WWTR1: variants seen among roughly 807,000 people sequenced by gnomAD.
The protein encoded by WWTR1 is WW domain-containing transcription regulator protein 1.
Under a neutral mutation model 40.1 loss-of-function variants are expected in WWTR1, and 13 were observed. The ratio of observed to expected loss-of-function variants is 0.32; its 90% CI spans 0.21 to 0.52. The LOEUF is 0.52. Among genes scored for constraint, WWTR1 ranks in the 20% least tolerant of loss-of-function variants. The pLI, the probability that WWTR1 is intolerant of heterozygous loss-of-function variation, is 0.97. For missense variants in WWTR1, 436 were observed against 523.1 expected, an observed-to-expected ratio of 0.83 and a Z score of 1.63; for synonymous variants, 230 against 210.1, an observed-to-expected ratio of 1.09 and a Z score of -0.82.
chr3:149,536,652 G>A (rs1315909353), intron 4 of WWTR1, among the ~76,000 whole-genome samples: 2 of 151,918 alleles, frequency 1.3e-5, no homozygotes, highest in Admixed American at 6.5e-5. Context: ...GAATTCCGAG[G>A]CCTCCCTCTT....
In WWTR1 at chr3:149,657,123, A is replaced by G. The variant is rs1404133951; in HGVS notation, c.184T>C (p.Ser62Pro). ...FFKEPDSGSH[S>P]RQSSTDSSGG... ...GACGAGTCGGTGCTGGACTGGCGCG[A>G]GTGCGAGCCCGAATCAGGCTCCTTA... Residue 62 changes from serine to proline, a missense_variant, in exon 2 of 7, where the codon TCG becomes CCG. Transcript: ENST00000360632. 6.3e-7 allele frequency: 1 copy of G among 1,590,350 alleles called. No homozygotes were observed.
chr3:149,639,547 T>C (rs1712032169), intron 2 of WWTR1, among the ~76,000 whole-genome samples: 1 of 152,162 alleles, frequency 6.6e-6, no homozygotes, highest in Non-Finnish European at 1.5e-5. Flanking sequence ...TTGGACAACA[T>C]GTCTGGTCTT....
rs150927864 is a variant in WWTR1 at position 149,600,652 on chromosome 3, C to A, written c.432-27652G>T. 1.1e-4 allele frequency among the ~76,000 whole-genome samples: 17 copies of A among 152,292 alleles called. No individual in the cohort carries two copies. In the East Asian group the frequency reaches 3.1e-3, roughly 28 times the overall value. Reference sequence around the variant, plus strand: ...AAGGCAATAGCCACCCTGGGGTACCCATTTGATACATTAAATGAAATCCAA... The same window carrying A: ...AAGGCAATAGCCACCCTGGGGTACCAATTTGATACATTAAATGAAATCCAA... On this transcript the variant is annotated intron_variant, in intron 2 of 6. Transcript: ENST00000360632.
At chr3:149,675,524 A>G (rs1345606635) in intron 1 of WWTR1, among the ~76,000 whole-genome samples, 1 of 152,126 alleles carries the variant, frequency 6.6e-6, no homozygotes, top group African/African-American at 2.4e-5. Flanking sequence ...CTGATTTTTG[A>G]ACTTGTATCA....
rs143155376 is a variant in WWTR1, at chr3:149,664,885, G to A, written c.-4+4903C>T. Among the ~76,000 whole-genome samples, 656 of 151,920 alleles carry A rather than the reference G, an allele frequency of 4.3e-3. 2 individuals are homozygous for A. The highest frequency in any genetic ancestry group is 0.01 in the Middle Eastern group (3 of 292). On this transcript the variant is annotated intron_variant, in intron 2 of 7. Transcript: ENST00000465804. ...ATTATAGGAGTGAACCACCGCGCCCGGCCAGAAGGCACTATCTTTTGTCTG... is the reference window on the plus strand; with the variant it reads ...ATTATAGGAGTGAACCACCGCGCCCAGCCAGAAGGCACTATCTTTTGTCTG...
intron 2 of WWTR1, among the ~76,000 whole-genome samples, chr3:149,591,604 A>C (rs1278323004): frequency 6.6e-6 from 1 of 152,188 alleles, no homozygotes; most frequent in African/African-American, 2.4e-5. Context: ...AACAAAAAAA[A>C]GTAGTAGAGA....
At chr3:149,713,985 A>G (rs1289944440) in intron 5 of WWTR1, among the ~76,000 whole-genome samples, 2 of 152,200 alleles carry the variant, frequency 1.3e-5, no homozygotes, top group African/African-American at 4.8e-5. Context: ...AGGAGATGAT[A>G]GTCTCTGGAG....
At chr3:149,597,467 G>GGA (rs1560077753) in intron 2 of WWTR1, among the ~76,000 whole-genome samples, 48 of 140,512 alleles carry the variant, frequency 3.4e-4, no homozygotes, top group African/African-American at 1.3e-3. Context: ...GAAGAAGAAG[G>GGA]AAAAAAAAAA....
Position 149,620,045 on chromosome 3 carries a change from C to A in WWTR1, c.431+36831G>T, listed in dbSNP as rs145257376. ...CGCTTTGATGTATTTTGGTCCTGGG[C>A]TCCATCTTATAGCACTCTTATAGAA... On this transcript the variant is annotated intron_variant, in intron 2 of 6. Transcript: ENST00000360632. Among the ~76,000 whole-genome samples, 873 of 152,298 alleles carry A rather than the reference C, an allele frequency of 5.7e-3. 1 individual carries two copies. Among genetic ancestry groups the A allele is most frequent in the Non-Finnish European group, 9.0e-3 (612 of 68,020 alleles).
rs890738624 is a variant in WWTR1, at chr3:149,518,362, A to T, written c.*2443T>A. The stretch of plus-strand genomic sequence containing the variant: ...AAAGAGGGGTATCTGTTTCTCTTAC[A>T]TTTAATAACCTGAAAATGAGTCTAT... On this transcript the variant is annotated 3_prime_UTR_variant, in exon 7 of 7. Coordinates refer to ENST00000360632, the MANE Select transcript of WWTR1 (RefSeq NM_015472.6). 1 of 152,110 alleles carries T rather than the reference A, an allele frequency of 6.6e-6. No homozygotes were observed. The highest frequency in any genetic ancestry group is 1.5e-5 in the Non-Finnish European group (1 of 68,012). 9.4% of individuals were successfully genotyped at this position (152,110 alleles called of 1,614,324 possible). A position where few individuals can be genotyped will look rare whatever the true frequency, so the allele number is the denominator to read the frequency against.
intron 4 of WWTR1, among the ~76,000 whole-genome samples, chr3:149,535,668 TAAAGA>T (rs1735795266): frequency 6.7e-6 from 1 of 149,010 alleles, no homozygotes; most frequent in South Asian, 2.1e-4. Context: ...CAAATCACAT[TAAAGA>T]AAACATTATA....
intron 2 of WWTR1, among the ~76,000 whole-genome samples, chr3:149,617,062 G>A (rs1191969387): frequency 1.3e-5 from 2 of 152,158 alleles, no homozygotes; most frequent in Non-Finnish European, 2.9e-5. Context: ...TGCATATTAA[G>A]TTTATGTGCC....
At chr3:149,604,286 C>A (rs1739389006) in intron 2 of WWTR1, among the ~76,000 whole-genome samples, 1 of 152,134 alleles carries the variant, frequency 6.6e-6, no homozygotes, top group African/African-American at 2.4e-5. Flanking sequence ...GACAGGGCCA[C>A]CCCCTCACAG....
At chr3:149,630,723 T>C (rs150172600) in intron 2 of WWTR1, among the ~76,000 whole-genome samples, 4 of 152,218 alleles carry the variant, frequency 2.6e-5, no homozygotes, top group Admixed American at 2.0e-4. Flanking sequence ...ATGAGAACGG[T>C]TAATAACTCA....
intron 3 of WWTR1, 45 bp from the exon 4 acceptor site, chr3:149,542,582 T>C (rs1300658963): frequency 6.5e-7 from 1 of 1,536,690 alleles, no homozygotes; most frequent in East Asian, 2.3e-5. Flanking sequence ...GGGCCCACAA[T>C]ACCTTATCAA....
intron 1 of WWTR1, among the ~76,000 whole-genome samples, chr3:149,699,450 T>C (rs1234256562): frequency 2.0e-5 from 3 of 152,112 alleles, no homozygotes; most frequent in Non-Finnish European, 2.9e-5. Flanking sequence ...TGTGTCACCA[T>C]GCCCGGCTAA....
At chr3:149,703,723 C>T (rs1715262323), upstream of WWTR1, among the ~76,000 whole-genome samples, 1 of 152,060 alleles carries the variant, frequency 6.6e-6, no homozygotes, top group Non-Finnish European at 1.5e-5. Context: ...AGTGAGTTCT[C>T]ACTCTATGAG....
chr3:149,649,870 T>A (rs1189858159), intron 2 of WWTR1: 1 of 142,248 alleles, frequency 7.0e-6, no homozygotes, highest in Non-Finnish European at 1.5e-5. Flanking sequence ...TGAGCTGAGA[T>A]GGCGCCATTG....
intron 4 of WWTR1, among the ~76,000 whole-genome samples, chr3:149,719,055 A>G (rs1168000402): frequency 2.0e-5 from 3 of 151,898 alleles, no homozygotes; most frequent in African/African-American, 7.3e-5. Flanking sequence ...TGAACTCCTG[A>G]CCTCAAGTGA....
Sources: allele counts gnomAD v4.1 joint callset (sites outside exome capture counted in the v4.1 genomes callset), GRCh38; gene constraint gnomAD v4.1.1; transcripts MANE v1.5; gene names NCBI Gene and HGNC (gene_info 2026-07-23, HGNC 2026-07-21).